The following ANK3 variants were observed in gnomAD, a reference collection of about 807,000 sequenced individuals.
ANK3 encodes ankyrin 3.
ANK3 carries 57 observed loss-of-function variants against 370.9 expected under a neutral mutation model. The observed-to-expected ratio is 0.15, with a 90% CI of 0.12 to 0.19. The LOEUF (loss-of-function observed/expected upper bound fraction) is 0.19, where lower values mean the gene tolerates loss of function less well. ANK3 is among the 10% of genes least tolerant of loss of function. ANK3 has a pLI of 1.00. For synonymous variants in ANK3, 1,929 were observed against 1,946.3 expected, an observed-to-expected ratio of 0.99 and a Z score of 0.23; for missense variants, 4,439 against 5,302.1, an observed-to-expected ratio of 0.84 and a Z score of 5.06.
chr10:60,505,319 T>C (rs1432789087), intron 2 of ANK3, among the ~76,000 whole-genome samples: 6 of 152,110 alleles, frequency 3.9e-5, no homozygotes, highest in African/African-American at 9.6e-5. Context: ...AAAAGATATA[T>C]ATATAAATTA....
Position 60,114,433 on chromosome 10 carries a change from C to T in ANK3, c.2842-102G>A, listed in dbSNP as rs554981110. 76 of 493,110 alleles carry T rather than the reference C, an allele frequency of 1.5e-4. No homozygotes were observed. The Admixed American group carries it at 2.4e-3, about 15-fold the overall frequency. 30.5% of individuals were successfully genotyped at this position (493,110 alleles called of 1,614,324 possible). ...TTGTATTCCTCTAATTCCAGATAGA[C>T]TTACATTCAACATAAATAATTTTTA... is the stretch of plus-strand genomic sequence containing the variant. On this transcript the variant is annotated intron_variant, in intron 25 of 43. Transcript: ENST00000280772.
At chr10:60,686,666 T>C (rs1367837502) in intron 1 of ANK3, among the ~76,000 whole-genome samples, 2 of 152,326 alleles carry the variant, frequency 1.3e-5, no homozygotes, top group East Asian at 3.9e-4. Context: ...TTTGGTGTAA[T>C]CTTAGACCTC....
intron 1 of ANK3, among the ~76,000 whole-genome samples, chr10:60,729,116 G>A (rs1397665575): frequency 3.9e-5 from 6 of 152,156 alleles, no homozygotes; most frequent in South Asian, 2.1e-4. Context: ...AATGGAAGCT[G>A]TTACTAAATC....
At chr10:60,612,865 T>C (rs2078219757) in intron 2 of ANK3, among the ~76,000 whole-genome samples, 1 of 152,070 alleles carries the variant, frequency 6.6e-6, no homozygotes, top group Admixed American at 6.6e-5. Context: ...GGGCACAGAG[T>C]CAGAATTTCA....
At chr10:60,584,407 C>A (rs1298978655) in intron 2 of ANK3, among the ~76,000 whole-genome samples, 1 of 151,740 alleles carries the variant, frequency 6.6e-6, no homozygotes, top group Non-Finnish European at 1.5e-5. Flanking sequence ...TTGCTTGAAG[C>A]CAGGGGTTCA....
At chr10:60,166,402 G>A (rs1452190304) in intron 23 of ANK3, among the ~76,000 whole-genome samples, 189 bp downstream of exon 23, 3 of 151,928 alleles carry the variant, frequency 2.0e-5, no homozygotes, top group South Asian at 2.1e-4. Flanking sequence ...CAAGGAAAGA[G>A]GATTCAAAGA....
chr10:60,384,939 A>G (rs1364083564), intron 1 of ANK3, among the ~76,000 whole-genome samples: 1 of 152,102 alleles, frequency 6.6e-6, no homozygotes, highest in Non-Finnish European at 1.5e-5. Context: ...CCACTGGCAT[A>G]GTCTCCACCT....
Position 60,069,016 on chromosome 10 carries a change from T to C in ANK3, c.11865A>G (p.Arg3955=). The C allele has an allele frequency of 3.7e-6, 6 of 1,613,926 alleles. No individual in the cohort carries two copies. The highest frequency in any genetic ancestry group is 4.2e-6 in the Non-Finnish European group (5 of 1,179,914). The part of the protein sequence containing the change: ...QLPSKLPVKV[R]STCVTTTTTT... ...TGGTGGTGGTAGTGACACAGGTGGA[T>C]CTTACCTTTACTGGCAACTTGGATG... Residue 3955 remains arginine, a synonymous_variant, in exon 37 of 44, where the codon AGA becomes AGG. Transcript: ENST00000280772.
In ANK3 at chr10:60,261,865, G is replaced by A. The variant is rs143189056; in HGVS notation, c.792C>T (p.Thr264=). ...LLNRAAAVDF[T]ARNDITPLHV... Reference sequence around the variant, plus strand: ...CACATTGCTGTGCTCTTACCCTTGCGGTGAAATCCACAGCAGCCGCTCGGT... The same window carrying A: ...CACATTGCTGTGCTCTTACCCTTGCAGTGAAATCCACAGCAGCCGCTCGGT... The change falls in exon 7 of 44, where the codon ACC becomes ACT. Residue 264 remains threonine (T), a synonymous_variant. Transcript: ENST00000280772. 56 of 1,613,382 alleles carry A rather than the reference G, an allele frequency of 3.5e-5. 1 individual carries two copies. The highest frequency in any genetic ancestry group is 2.1e-4 in the African/African-American group (16 of 75,004).
chr10:60,428,594 AT>A (rs2063943416), intron 2 of ANK3, among the ~76,000 whole-genome samples: 1 of 152,204 alleles, frequency 6.6e-6, no homozygotes, highest in Non-Finnish European at 1.5e-5. Flanking sequence ...CTTACTGAAA[AT>A]TCAAGCAACA....
intron 1 of ANK3, among the ~76,000 whole-genome samples, chr10:60,672,808 TG>T (rs2079078390): frequency 6.6e-6 from 1 of 152,162 alleles, no homozygotes; most frequent in Admixed American, 6.5e-5. Flanking sequence ...GACAGTCTTG[TG>T]AGACCTTGCA....
chr10:60,140,125 A>T (rs773430945), intron 23 of ANK3: 3 of 570,064 alleles, frequency 5.3e-6, no homozygotes, highest in Non-Finnish European at 9.3e-6. Flanking sequence ...CCATTCATTT[A>T]AACTCAGGAA....
At chr10:60,270,355 A>C (rs1039475480) in intron 4 of ANK3, 126 bp from the exon 5 acceptor site, 32 of 475,878 alleles carry the variant, frequency 6.7e-5, no homozygotes, top group Middle Eastern at 5.5e-4. Context: ...TTTCATATAG[A>C]TATAAATATT....
intron 2 of ANK3, among the ~76,000 whole-genome samples, chr10:60,429,930 A>C (rs1435980004): frequency 5.3e-5 from 8 of 152,204 alleles, no homozygotes; most frequent in Non-Finnish European, 1.0e-4. Context: ...GTTTTTCTAA[A>C]AGAAAAAAAG....
At chr10:60,500,701 C>A (rs1342538749) in intron 2 of ANK3, among the ~76,000 whole-genome samples, 2 of 152,162 alleles carry the variant, frequency 1.3e-5, no homozygotes, top group East Asian at 3.9e-4. Flanking sequence ...CCTGCCTCAT[C>A]CTTAATCTGA....
At chr10:60,392,790 G>A (rs1481075126), upstream of ANK3, among the ~76,000 whole-genome samples, 1 of 152,028 alleles carries the variant, frequency 6.6e-6, no homozygotes, top group Non-Finnish European at 1.5e-5. Context: ...TTAGCTGGGC[G>A]TGTTGGTGTG....
chr10:60,140,363 G>A (rs2094508812), intron 23 of ANK3: 1 of 1,613,704 alleles, frequency 6.2e-7, no homozygotes, highest in African/African-American at 1.3e-5. Flanking sequence ...CTGCGGTAAA[G>A]CCATTTCCAC....
chr10:60,591,698 A>G (rs1437170436), intron 2 of ANK3, among the ~76,000 whole-genome samples: 1 of 152,202 alleles, frequency 6.6e-6, no homozygotes, highest in Non-Finnish European at 1.5e-5. Flanking sequence ...ATATGAATGG[A>G]TAAAGAACAG....
intron 28 of ANK3, among the ~76,000 whole-genome samples, chr10:60,095,104 C>T (rs1004340262): frequency 6.6e-6 from 1 of 152,224 alleles, no homozygotes; most frequent in African/African-American, 2.4e-5. Context: ...GAGTACCTTC[C>T]CCTAAGGCTT....
Sources: gnomAD v4.1 joint callset for allele counts (sites outside exome capture counted in the v4.1 genomes callset) on GRCh38, gnomAD v4.1.1 for gene constraint, MANE v1.5 for transcripts, NCBI Gene and HGNC (gene_info 2026-07-23, HGNC 2026-07-21) for gene names.